ITGA2: variants seen among roughly 807,000 people sequenced by gnomAD.
The protein encoded by ITGA2 is integrin subunit alpha 2, also known as integrin alpha-2.
A neutral mutation model predicts 146.3 loss-of-function variants in ITGA2; 101 were observed. The observed-to-expected ratio is 0.69, with a 90% CI of 0.59 to 0.81. The LOEUF (loss-of-function observed/expected upper bound fraction) is 0.81. Ranked by LOEUF, ITGA2 falls within the 40% of genes least tolerant of loss-of-function variation. The probability of loss-of-function intolerance (pLI) is 0.00; values close to 1 mark genes in which losing one functional copy is unlikely to be tolerated. For missense variants in ITGA2, 1,281 were observed against 1,402.7 expected (o/e 0.91, Z 1.39); for synonymous variants, 477 against 487.1 (o/e 0.98, Z 0.27).
chr5:52,991,590 C>A (rs1740957189), intron 1 of ITGA2, among the ~76,000 whole-genome samples: 1 of 151,982 alleles, frequency 6.6e-6, no homozygotes, highest in Non-Finnish European at 1.5e-5. Flanking sequence ...TATGTATATA[C>A]AATTGTATAT....
At position 53,080,439 on chromosome 5, in the gene ITGA2, G is replaced by A. The variant is rs117466123; in HGVS notation, c.2929-72G>A. 2,278 of 1,182,336 alleles carry A rather than the reference G, an allele frequency of 1.9e-3. 41 individuals are homozygous for A. The South Asian group carries it at 0.023, about 12-fold the overall frequency. The allele number at this position is 1,182,336 out of a possible 1,614,324, so 73.2% of individuals were successfully genotyped here. A position where few individuals can be genotyped will look rare whatever the true frequency, so the allele number is the denominator to read the frequency against. ...CCTCGTAGTTGCCCTTCATCAACAC[G>A]GGGTTACTGGTGAATTTCCTTGCAT... On this transcript the variant is annotated intron_variant, in intron 24 of 29. Transcript: ENST00000296585.
At chr5:53,074,248 T>C in intron 20 of ITGA2, 137 bp from the exon 21 acceptor site, 2 of 724,840 alleles carry the variant, frequency 2.8e-6, no homozygotes, top group Non-Finnish European at 5.0e-6. Context: ...ATTTCAAGTC[T>C]TGAGGTATAA....
At chr5:53,041,837 T>G (rs1050365202) in intron 2 of ITGA2, among the ~76,000 whole-genome samples, 3 of 152,190 alleles carry the variant, frequency 2.0e-5, no homozygotes, top group African/African-American at 7.2e-5. Context: ...TTTGAAATTA[T>G]ATATGTGGCT....
chr5:52,995,802 G>A (rs1741214302), intron 1 of ITGA2, among the ~76,000 whole-genome samples: 1 of 152,194 alleles, frequency 6.6e-6, no homozygotes, highest in South Asian at 2.1e-4. Flanking sequence ...AACAAGATGA[G>A]TCAGGCAAAG....
chr5:53,071,858 C>A, intron 17 of ITGA2, 80 bp from the exon 18 acceptor site: 2 of 962,012 alleles, frequency 2.1e-6, no homozygotes, highest in South Asian at 1.3e-5. Flanking sequence ...CATTTGGAAT[C>A]ATTTTCTTGT....
chr5:53,046,944 A>G (rs1036023817), intron 4 of ITGA2, among the ~76,000 whole-genome samples: 2 of 152,114 alleles, frequency 1.3e-5, no homozygotes, highest in Non-Finnish European at 2.9e-5. Flanking sequence ...TGAATACTTC[A>G]TGAGTTCTTT....
chr5:53,034,339 G>A (rs960202849), intron 2 of ITGA2, among the ~76,000 whole-genome samples: 1 of 151,772 alleles, frequency 6.6e-6, no homozygotes, highest in Admixed American at 6.6e-5. Context: ...CCCCCCAAGA[G>A]GCGGAGGTTG....
At chr5:53,057,171 T>C (rs563336014) in intron 9 of ITGA2, among the ~76,000 whole-genome samples, 3 of 152,118 alleles carry the variant, frequency 2.0e-5, no homozygotes, top group African/African-American at 4.8e-5. Context: ...ACAATTGCAA[T>C]CTACAAGCTA....
chr5:53,067,226 G>A lies in ITGA2; in HGVS notation c.2052G>A (p.Lys684=). The A allele has an allele frequency of 6.2e-7, 1 of 1,611,666 alleles. No homozygotes were observed. The highest frequency in any genetic ancestry group is 8.5e-7 in the Non-Finnish European group (1 of 1,178,692). ...TTCTCAAACTCTGCTTCAGTGCAAA[G>A]TTCAGACCTACTAAGCAAAACAATC... The part of the protein sequence containing the change: ...QIILKLCFSA[K]FRPTKQNNQV... The change falls in exon 16 of 30, where the codon AAG becomes AAA. Residue 684 remains lysine, a synonymous_variant. Coordinates refer to ENST00000296585, the MANE Select transcript of ITGA2 (RefSeq NM_002203.4).
chr5:53,057,863 C>A (rs1344086170), intron 9 of ITGA2, among the ~76,000 whole-genome samples, 162 bp from the exon 10 acceptor site: 1 of 151,834 alleles, frequency 6.6e-6, no homozygotes, highest in Non-Finnish European at 1.5e-5. Flanking sequence ...GTAATTTCTT[C>A]TTCCCAGAAT....
chr5:53,000,798 G>T (rs1317831050), intron 1 of ITGA2, among the ~76,000 whole-genome samples: 1 of 151,464 alleles, frequency 6.6e-6, no homozygotes, highest in Non-Finnish European at 1.5e-5. Context: ...GCTTATCTTA[G>T]CTAGACGTTA....
At chr5:53,062,670 T>C (rs540108781) in intron 12 of ITGA2, 116 bp from the exon 13 acceptor site, 130 of 1,101,360 alleles carry the variant, frequency 1.2e-4, no homozygotes, top group Non-Finnish European at 1.7e-4. Flanking sequence ...TCCAAGCACT[T>C]TGCAAATAGT....
chr5:53,048,489 A>C lies in ITGA2; in HGVS notation c.502+12A>C, dbSNP rs752392366. 14 of 1,613,030 alleles carry C rather than the reference A, an allele frequency of 8.7e-6. No individual in the cohort carries two copies. Among genetic ancestry groups the C allele is most frequent in the Non-Finnish European group, 1.2e-5 (14 of 1,179,036 alleles). ...ACCTGCAACTCAGCGTAAGTTATTA[A>C]TGTGCAGATGGTCTGAGCAATGCCT... On this transcript the variant is annotated intron_variant, in intron 5 of 29. Coordinates refer to ENST00000296585, the MANE Select transcript of ITGA2 (RefSeq NM_002203.4).
At chr5:53,070,611 T>G (rs543329754) in intron 17 of ITGA2, among the ~76,000 whole-genome samples, 62 of 152,070 alleles carry the variant, frequency 4.1e-4, no homozygotes, top group African/African-American at 1.3e-3. Flanking sequence ...AAAATTTTAT[T>G]TATTGTTCAG....
chr5:53,030,020 A>G (rs982759328), intron 2 of ITGA2, among the ~76,000 whole-genome samples: 11 of 152,214 alleles, frequency 7.2e-5, no homozygotes, highest in African/African-American at 2.4e-4. Context: ...AGCCACCATC[A>G]GTAATAGACA....
intron 1 of ITGA2, among the ~76,000 whole-genome samples, chr5:53,020,745 G>T (rs932246514): frequency 2.0e-5 from 3 of 151,026 alleles, no homozygotes; most frequent in Non-Finnish European, 4.4e-5. Flanking sequence ...GCAGTGGCTC[G>T]ATCTTGGCTC....
At chr5:53,020,686 A>T (rs550213865) in intron 1 of ITGA2, among the ~76,000 whole-genome samples, 17 of 146,214 alleles carry the variant, frequency 1.2e-4, no homozygotes, top group East Asian at 4.0e-4. Context: ...TATTATTATT[A>T]TTTTTTTTTT....
Position 53,004,406 on chromosome 5 carries a change from G to A in ITGA2, c.64+14874G>A, listed in dbSNP as rs972223369. Among the ~76,000 whole-genome samples, 4 of 152,074 alleles carry A rather than the reference G, an allele frequency of 2.6e-5. No homozygotes were observed. In the South Asian group the frequency reaches 6.2e-4, roughly 24 times the overall value. ...AAAAAGTATTTTTCATATTGTAAAAGCATATGGAATATTATTTAAAAAAAA... is the reference window on the plus strand; with the variant it reads ...AAAAAGTATTTTTCATATTGTAAAAACATATGGAATATTATTTAAAAAAAA... On this transcript the variant is annotated intron_variant, in intron 1 of 29. Transcript: ENST00000296585.
chr5:52,995,086 A>G (rs988989662), intron 1 of ITGA2, among the ~76,000 whole-genome samples: 9 of 152,202 alleles, frequency 5.9e-5, no homozygotes, highest in African/African-American at 2.4e-5. Context: ...TAGGTTCTTG[A>G]ATAGAATACT....
Sources: gnomAD v4.1 joint callset for allele counts (sites outside exome capture counted in the v4.1 genomes callset) on GRCh38, gnomAD v4.1.1 for gene constraint, MANE v1.5 for transcripts, NCBI Gene and HGNC (gene_info 2026-07-23, HGNC 2026-07-21) for gene names.